The following KDM6B variants were observed in gnomAD, a reference collection of about 807,000 sequenced individuals.
The protein encoded by KDM6B is lysine demethylase 6B.
Under a neutral mutation model 150.4 loss-of-function variants are expected in KDM6B, and 22 were observed. The ratio of observed to expected loss-of-function variants is 0.15; its 90% CI spans 0.10 to 0.21. The LOEUF (loss-of-function observed/expected upper bound fraction) is 0.21. KDM6B is among the 10% of genes least tolerant of loss of function. KDM6B has a pLI of 1.00. For synonymous variants in KDM6B, 1,148 were observed against 921.1 expected (o/e 1.25, Z -4.46); for missense variants, 1,984 against 2,234.3 (o/e 0.89, Z 2.26).
intron 2 of KDM6B, among the ~76,000 whole-genome samples, chr17:7,842,652 AG>A (rs1275456710): frequency 6.6e-6 from 1 of 151,888 alleles, no homozygotes; most frequent in Non-Finnish European, 1.5e-5. Context: ...CGGCACGGGG[AG>A]GGGCCATCGT....
At position 7,853,632 on chromosome 17, in the gene KDM6B, G is replaced by A; in HGVS notation, c.*111G>A. ...GTGGCCGAGAAGGGGGTCGGGCCCA[G>A]CCCTTCCACCCCATTGGCAGCTCCC... On this transcript the variant is annotated 3_prime_UTR_variant, in exon 24 of 24. Transcript: ENST00000448097. The A allele has an allele frequency of 1.4e-6, 1 of 734,208 alleles. No homozygotes were observed. The highest frequency in any genetic ancestry group is 3.1e-5 in the South Asian group (1 of 32,650). The allele number at this position is 734,208 out of a possible 1,614,324, so 45.5% of individuals were successfully genotyped here.
intron 1 of KDM6B, among the ~76,000 whole-genome samples, chr17:7,835,926 G>C (rs2078327285): frequency 6.6e-6 from 1 of 152,154 alleles, no homozygotes; most frequent in Non-Finnish European, 1.5e-5. Context: ...ATAATGCCCA[G>C]CCTGGCTCGG....
At chr17:7,840,544 T>C (rs2078398455) in intron 2 of KDM6B, 1 of 152,262 alleles carries the variant, frequency 6.6e-6, no homozygotes, top group African/African-American at 2.4e-5. Context: ...CACTATAGCA[T>C]TTGCCCCCAT....
intron 14 of KDM6B, 91 bp from the exon 15 acceptor site, chr17:7,850,930 G>A (rs2078679537): frequency 1.7e-6 from 2 of 1,170,932 alleles, no homozygotes; most frequent in Admixed American, 2.0e-5. Flanking sequence ...CCCTGTCAGA[G>A]CCAGAGGAGT....
Position 7,848,560 on chromosome 17 carries a change from A to G in KDM6B, c.2272A>G (p.Thr758Ala), listed in dbSNP as rs746802505. ...AVAVTTTTTT[T>A]TTTTATQEEE... ...CGCCGTCACCACCACCACCACCACCACCACCACCACCACGGCCACCCAGGA... is the reference window on the plus strand; with the variant it reads ...CGCCGTCACCACCACCACCACCACCGCCACCACCACCACGGCCACCCAGGA... Residue 758 changes from threonine (T) to alanine (A), a missense_variant, in exon 12 of 24, where the codon ACC (threonine) becomes GCC (alanine). This residue lies in a region of KDM6B where 1,379 missense variants were observed against 1,275.6 expected (regional missense o/e 1.08). Coordinates refer to ENST00000448097, the MANE Select transcript of KDM6B (RefSeq NM_001348716.2). 12 of 1,528,686 alleles carry G rather than the reference A, an allele frequency of 7.8e-6. No homozygotes were observed. The highest frequency in any genetic ancestry group is 1.9e-5 in the Admixed American group (1 of 54,018). The allele number at this position is 1,528,686 out of a possible 1,614,324, so 94.7% of individuals were successfully genotyped here.
chr17:7,852,696 CCTGT>C, intron 21 of KDM6B, 60 bp downstream of exon 21: 1 of 1,604,596 alleles, frequency 6.2e-7, no homozygotes, highest in Non-Finnish European at 8.5e-7. Flanking sequence ...TCTTGTTCTT[CCTGT>C]CTGACTCCAC....
At position 7,854,577 on chromosome 17, in the gene KDM6B, G is replaced by A. The variant is rs1227566694; in HGVS notation, c.*1056G>A. On this transcript the variant is annotated 3_prime_UTR_variant, in exon 24 of 24. Coordinates refer to ENST00000448097, the MANE Select transcript of KDM6B (RefSeq NM_001348716.2). ...CCAGGGCCAGGGCCTCACTGGGGCA[G>A]GGACACCCCGGGGTGAGTTTCTCTG... 2.6e-5 allele frequency: 4 copies of A among 155,062 alleles called. No homozygotes were observed. The highest frequency in any genetic ancestry group is 9.6e-5 in the African/African-American group (4 of 41,472). 9.6% of individuals were successfully genotyped at this position (155,062 alleles called of 1,614,324 possible). A position where few individuals can be genotyped will look rare whatever the true frequency, so the allele number is the denominator to read the frequency against.
chr17:7,849,639 C>T lies in KDM6B; in HGVS notation c.3351C>T (p.Thr1117=), dbSNP rs1345529228. The T allele has an allele frequency of 6.2e-7, 1 of 1,611,300 alleles. No individual in the cohort carries two copies. The highest frequency in any genetic ancestry group is 1.7e-5 in the Admixed American group (1 of 60,030). The change falls in exon 12 of 24, where the codon ACC becomes ACT. Residue 1117 remains threonine, a synonymous_variant. Coordinates refer to ENST00000448097, the MANE Select transcript of KDM6B (RefSeq NM_001348716.2). Reference sequence around the variant, plus strand: ...AGGTAGAGAGTGGTGACAAGGAGACCTTTATCGCCTCTGAGGTGGAAGAGC... The same window carrying T: ...AGGTAGAGAGTGGTGACAAGGAGACTTTTATCGCCTCTGAGGTGGAAGAGC... ...LIKVESGDKE[T]FIASEVEERR...
In KDM6B at chr17:7,854,526, CCTTTT is replaced by C. The variant is rs1288292670; in HGVS notation, c.*1011_*1015del. 1 of 152,662 alleles carries C rather than the reference CCTTTT, an allele frequency of 6.6e-6. No homozygotes were observed. Among genetic ancestry groups the C allele is most frequent in the Non-Finnish European group, 1.5e-5 (1 of 68,242 alleles). The allele number at this position is 152,662 out of a possible 1,614,324, so 9.5% of individuals were successfully genotyped here. ...AAAACACAGACCTTCACCCCCACCC[CCTTTT>C]CTTTTTAAGTGTGAAACAACCCAGG... On this transcript the variant is annotated 3_prime_UTR_variant, in exon 24 of 24. Transcript: ENST00000448097.
Position 7,851,024 on chromosome 17 carries a change from T to G in KDM6B, c.3677T>G (p.Leu1226Trp). 1 of 1,604,004 alleles carries G rather than the reference T, an allele frequency of 6.2e-7. No homozygotes were observed. The highest frequency in any genetic ancestry group is 8.5e-7 in the Non-Finnish European group (1 of 1,175,770). The change falls in exon 15 of 24, where the codon TTG (leucine) becomes TGG (tryptophan). Residue 1226 changes from leucine (L) to tryptophan (W), a missense_variant. By Grantham distance (61) the Leu-to-Trp change is moderately conservative. Transcript: ENST00000448097. Reference sequence around the variant, plus strand: ...CCTGCTCGGCCCTCCCTTCCAGACTTGGGCCTCTTCTCCACCAAGACCCTG... The same window carrying G: ...CCTGCTCGGCCCTCCCTTCCAGACTGGGGCCTCTTCTCCACCAAGACCCTG... ...RGLAGSLRLNLGLFSTKTLVE... is the reference protein window; with the variant it reads ...RGLAGSLRLNWGLFSTKTLVE...
intron 2 of KDM6B, among the ~76,000 whole-genome samples, chr17:7,841,867 G>A (rs553125457): frequency 1.3e-5 from 2 of 152,258 alleles, no homozygotes; most frequent in Admixed American, 6.5e-5. Flanking sequence ...AGTCACAGCG[G>A]AGCCTCAGCC....
Position 7,843,198 on chromosome 17 carries a change from C to A in KDM6B, c.-268-1703C>A, listed in dbSNP as rs1368742425. The stretch of plus-strand genomic sequence containing the variant: ...TCGGGACCACTTCCCAAGCAGGCAT[C>A]TGCCCCTCTGTTGTCTGGTTCCCCG... On this transcript the variant is annotated intron_variant, in intron 2 of 23. Transcript: ENST00000448097. The surrounding 1 kb of genome is among the most constrained non-coding windows in gnomAD (Gnocchi z 4.5). 6.6e-6 allele frequency among the ~76,000 whole-genome samples: 1 copy of A among 152,180 alleles called. No individual in the cohort carries two copies. The highest frequency in any genetic ancestry group is 2.4e-5 in the African/African-American group (1 of 41,432).
In KDM6B at chr17:7,847,949, G is replaced by A. The variant is rs369871093; in HGVS notation, c.1661G>A (p.Ser554Asn). The change falls in exon 12 of 24, where the codon AGC becomes AAC. Residue 554 changes from serine (S) to asparagine (N), a missense_variant. Transcript: ENST00000448097. ...PTPPTPTTSS[S>N]NSNSGSHSSS... ...CCCCCAACCCCAACCACCAGCAGTA[G>A]CAACAGCAACAGTGGCAGCCACAGC... 1.2e-6 allele frequency: 2 copies of A among 1,607,962 alleles called. No individual in the cohort carries two copies. The highest frequency in any genetic ancestry group is 8.5e-7 in the Non-Finnish European group (1 of 1,178,126).
intron 1 of KDM6B, among the ~76,000 whole-genome samples, 200 bp downstream of exon 1, chr17:7,834,550 A>G (rs2078292062): frequency 6.7e-6 from 1 of 149,584 alleles, no homozygotes; most frequent in African/African-American, 2.4e-5. Flanking sequence ...TGGGAGGCAG[A>G]TGTCTCAGGT....
In KDM6B at chr17:7,854,168, G is replaced by C. The variant is rs1462620817; in HGVS notation, c.*647G>C. 6.6e-6 allele frequency: 1 copy of C among 152,536 alleles called. No individual in the cohort carries two copies. The highest frequency in any genetic ancestry group is 2.0e-4 in the South Asian group (1 of 4,896). The allele number at this position is 152,536 out of a possible 1,614,324, so 9.4% of individuals were successfully genotyped here. A position where few individuals can be genotyped will look rare whatever the true frequency, so the allele number is the denominator to read the frequency against. The stretch of plus-strand genomic sequence containing the variant: ...AAGCCATCCTGCCCGCCCCTCCAGG[G>C]ACCGCCCGTCGCCGGGCTCTCCCCG... On this transcript the variant is annotated 3_prime_UTR_variant, in exon 24 of 24. Coordinates refer to ENST00000448097, the MANE Select transcript of KDM6B (RefSeq NM_001348716.2).
rs1187591808 is a variant in KDM6B, at chr17:7,843,417, CG to C, written c.-268-1480del. 6.6e-6 allele frequency among the ~76,000 whole-genome samples: 1 copy of C among 152,136 alleles called. No individual in the cohort carries two copies. Among genetic ancestry groups the C allele is most frequent in the African/African-American group, 2.4e-5 (1 of 41,434 alleles). On this transcript the variant is annotated intron_variant, in intron 2 of 23. Transcript: ENST00000448097. This position sits in a 1 kb window ranked among gnomAD's most constrained non-coding sequence, Gnocchi z 4.5. ...CCACGTGAACCGCGGAGAGGGTCCG[CG>C]GGGCCCAAGCGACCACAAGGGCTTG...
In KDM6B at chr17:7,846,925, C is replaced by T. The variant is rs1294562353; in HGVS notation, c.818C>T (p.Pro273Leu). The T allele has an allele frequency of 1.3e-6, 2 of 1,599,860 alleles. No homozygotes were observed. The highest frequency in any genetic ancestry group is 1.7e-6 in the Non-Finnish European group (2 of 1,175,622). Residue 273 changes from proline to leucine, a missense_variant, in exon 10 of 24, where the codon CCA (proline) becomes CTA (leucine). Pro to Leu is a moderately conservative substitution (Grantham distance 98, BLOSUM62 -3). This residue lies in a region of KDM6B where 1,379 missense variants were observed against 1,275.6 expected (regional missense o/e 1.08). Transcript: ENST00000448097. ...CTGCCTGGCCTGGCTACCAGCCCCC[C>T]ATTTCAGCTAACCAAGCCAGGGCTG... is the stretch of plus-strand genomic sequence containing the variant. The part of the protein sequence containing the change: ...PPLPGLATSP[P>L]FQLTKPGLWS...
In KDM6B at chr17:7,849,123, G is replaced by A. The variant is rs769951168; in HGVS notation, c.2835G>A (p.Ala945=). 1.1e-5 allele frequency: 18 copies of A among 1,612,286 alleles called. No individual in the cohort carries two copies. The highest frequency in any genetic ancestry group is 3.4e-6 in the Non-Finnish European group (4 of 1,179,874). The change falls in exon 12 of 24, where the codon GCG becomes GCA. Residue 945 remains alanine (A), a synonymous_variant. Coordinates refer to ENST00000448097, the MANE Select transcript of KDM6B (RefSeq NM_001348716.2). ...ACCCAGTGGACACAGCAGAGCCAGCGGACAGTGGGACTGAGCGACTGCTGC... is the reference window on the plus strand; with the variant it reads ...ACCCAGTGGACACAGCAGAGCCAGCAGACAGTGGGACTGAGCGACTGCTGC... ...PADPVDTAEP[A]DSGTERLLPP...
At position 7,843,067 on chromosome 17, in the gene KDM6B, C is replaced by G. The variant is rs909325216; in HGVS notation, c.-268-1834C>G. On this transcript the variant is annotated intron_variant, in intron 2 of 23. Transcript: ENST00000448097. The surrounding 1 kb of genome is among the most constrained non-coding windows in gnomAD (Gnocchi z 4.5). ...GAGCTGGAGGGACGGCACTCACTGA[C>G]TTAGGGAAAGCTGAGTCAGTTCCCC... 1.3e-5 allele frequency among the ~76,000 whole-genome samples: 2 copies of G among 152,018 alleles called. No homozygotes were observed. The highest frequency in any genetic ancestry group is 2.4e-5 in the African/African-American group (1 of 41,414).
Sources: allele counts gnomAD v4.1 joint callset (sites outside exome capture counted in the v4.1 genomes callset), GRCh38; gene constraint gnomAD v4.1.1; regional missense constraint gnomAD v4.1.1; non-coding constraint Gnocchi (gnomAD v3.1); transcripts MANE v1.5; gene names NCBI Gene and HGNC (gene_info 2026-07-23, HGNC 2026-07-21).